The following HIVEP3 variants were observed in gnomAD, a reference collection of about 807,000 sequenced individuals.
The protein encoded by HIVEP3 is HIVEP zinc finger 3, also known as transcription factor HIVEP3.
HIVEP3 carries 49 observed loss-of-function variants against 152.8 expected under a neutral mutation model. That is an observed-to-expected ratio of 0.32 (90% confidence interval 0.26 to 0.41). The LOEUF (loss-of-function observed/expected upper bound fraction) is 0.41, where lower values mean the gene tolerates loss of function less well. Ranked by LOEUF, HIVEP3 falls within the 10% of genes least tolerant of loss-of-function variation. HIVEP3 has a pLI of 1.00. For synonymous variants in HIVEP3, 1,269 were observed against 1,289.0 expected, an observed-to-expected ratio of 0.98 and a Z score of 0.33; for missense variants, 2,790 against 3,103.3, an observed-to-expected ratio of 0.90 and a Z score of 2.40.
At chr1:41,747,471 C>T (rs1041342761) in intron 1 of HIVEP3, among the ~76,000 whole-genome samples, 2 of 152,108 alleles carry the variant, frequency 1.3e-5, no homozygotes, top group African/African-American at 2.4e-5. Context: ...TCCATTTTTT[C>T]CTGATTATAA....
intron 5 of HIVEP3, among the ~76,000 whole-genome samples, chr1:41,559,592 C>G (rs1049963650): frequency 6.6e-6 from 1 of 152,198 alleles, no homozygotes; most frequent in Non-Finnish European, 1.5e-5. Flanking sequence ...CACACCATCT[C>G]CTTGCCATCA....
intron 1 of HIVEP3, among the ~76,000 whole-genome samples, chr1:41,761,687 AAAT>A (rs1647693076): frequency 6.6e-6 from 1 of 151,754 alleles, no homozygotes; most frequent in Non-Finnish European, 1.5e-5. Flanking sequence ...GTGTATGAGT[AAAT>A]AAGTGTGTGT....
chr1:41,527,619 C>T (rs1643036309), intron 5 of HIVEP3, among the ~76,000 whole-genome samples: 1 of 144,698 alleles, frequency 6.9e-6, no homozygotes. Context: ...ACTCCCCACC[C>T]TCACACTCGC....
At chr1:41,608,341 G>A (rs1282967342) in intron 3 of HIVEP3, among the ~76,000 whole-genome samples, 1 of 152,228 alleles carries the variant, frequency 6.6e-6, no homozygotes, top group Non-Finnish European at 1.5e-5. Flanking sequence ...AGACGGAGCT[G>A]CCAATCCTTC....
At chr1:41,757,689 T>C (rs1647401660) in intron 1 of HIVEP3, among the ~76,000 whole-genome samples, 1 of 79,968 alleles carries the variant, frequency 1.3e-5, no homozygotes, top group Non-Finnish European at 3.5e-5. Context: ...TTATATTTTC[T>C]ACTTTGTATT....
chr1:41,696,197 G>T (rs61773711), intron 2 of HIVEP3, among the ~76,000 whole-genome samples: 1 of 152,222 alleles, frequency 6.6e-6, no homozygotes, highest in African/African-American at 2.4e-5. Context: ...CCCACAGCCT[G>T]CAATGTCTTG....
chr1:41,882,266 G>A (rs766775157), intron 1 of HIVEP3, among the ~76,000 whole-genome samples: 1 of 152,172 alleles, frequency 6.6e-6, no homozygotes, highest in Non-Finnish European at 1.5e-5. Context: ...AAACAGCTGC[G>A]AGCTGCACGC....
rs201377725 is a variant in HIVEP3, at chr1:41,527,243, TCACA to T, written c.5208-2337_5208-2334del. On this transcript the variant is annotated intron_variant, in intron 5 of 8. Transcript: ENST00000372583. ...ACACACTCACCCTCACACACTCACC[TCACA>T]CACACACACCCTCACATGCTCACCC... 2.4e-3 allele frequency among the ~76,000 whole-genome samples: 68 copies of T among 28,532 alleles called. 1 individual carries two copies. Among genetic ancestry groups the T allele is most frequent in the African/African-American group, 4.8e-3 (23 of 4,816 alleles). The allele number at this position is 28,532 out of a possible 152,430, so 18.7% of individuals were successfully genotyped here.
intron 2 of HIVEP3, among the ~76,000 whole-genome samples, chr1:41,633,051 G>A (rs189669471): frequency 9.1e-4 from 138 of 152,172 alleles, no homozygotes; most frequent in Non-Finnish European, 1.5e-3. Flanking sequence ...GGCTGCGGTC[G>A]TGAGGCTGGT....
chr1:41,540,553 A>T (rs1418466566), intron 5 of HIVEP3, among the ~76,000 whole-genome samples: 1 of 152,186 alleles, frequency 6.6e-6, no homozygotes, highest in Admixed American at 6.5e-5. Flanking sequence ...TAATTTCTGC[A>T]TGACAACAGG....
intron 1 of HIVEP3, among the ~76,000 whole-genome samples, chr1:41,722,714 G>C (rs572940619): frequency 6.6e-6 from 1 of 152,206 alleles, no homozygotes; most frequent in African/African-American, 2.4e-5. Context: ...ACAATTGTTG[G>C]TGAAATGCAT....
Position 41,524,805 on chromosome 1 carries a change from T to C in HIVEP3, c.5313A>G (p.Lys1771=), listed in dbSNP as rs780500021. The C allele has an allele frequency of 5.0e-6, 8 of 1,614,140 alleles. No homozygotes were observed. The highest frequency in any genetic ancestry group is 6.8e-6 in the Non-Finnish European group (8 of 1,179,996). Residue 1771 remains lysine, a synonymous_variant, in exon 6 of 9, where the codon AAA becomes AAG. Transcript: ENST00000372583. The stretch of plus-strand genomic sequence containing the variant: ...GGACGTCAGTGTGGGTGCGGATGTG[T>C]TTCTTCAGCATGCTGGGCTTCTTGC... ...IRCKKPSMLK[K]HIRTHTDVRP...
intron 1 of HIVEP3, among the ~76,000 whole-genome samples, chr1:41,834,884 A>G (rs1428913724): frequency 6.6e-6 from 1 of 152,182 alleles, no homozygotes; most frequent in Non-Finnish European, 1.5e-5. Context: ...CAGCAAGTGC[A>G]ATGGCCCTGA....
At position 41,986,597 on chromosome 1, in the gene HIVEP3, C is replaced by T. The variant is rs181851216; in HGVS notation, n.119+49210G>A. 4.7e-3 allele frequency among the ~76,000 whole-genome samples: 721 copies of T among 152,212 alleles called. 6 individuals are homozygous for T. The highest frequency in any genetic ancestry group is 0.01 in the Middle Eastern group (3 of 294). ...CTGGAAATACAGGCGCCCGCCACCA[C>T]GCCCGGCTAATTTTTTGTATTTTTA... On this transcript the variant is annotated intron_variant and non_coding_transcript_variant, in intron 1 of 3. Coordinates refer to the HIVEP3 transcript ENST00000489103.
intron 1 of HIVEP3, among the ~76,000 whole-genome samples, chr1:41,843,022 G>A (rs775209947): frequency 1.3e-5 from 2 of 152,172 alleles, no homozygotes; most frequent in Non-Finnish European, 2.9e-5. Flanking sequence ...GGAAATTGTT[G>A]CTGGGAGGAC....
rs971395963 is a variant in HIVEP3, at chr1:41,933,048, T to C, written n.120-14524A>G. Among the ~76,000 whole-genome samples, 4 of 151,998 alleles carry C rather than the reference T, an allele frequency of 2.6e-5. 1 individual carries two copies. Among genetic ancestry groups the C allele is most frequent in the African/African-American group, 9.7e-5 (4 of 41,424 alleles). ...TAGTTCATGACCATGCTTTCTATGGTTTCTAGTCTTTTAAGGTTGTTAAGT... is the reference window on the plus strand; with the variant it reads ...TAGTTCATGACCATGCTTTCTATGGCTTCTAGTCTTTTAAGGTTGTTAAGT... On this transcript the variant is annotated intron_variant and non_coding_transcript_variant, in intron 1 of 3. Coordinates refer to the HIVEP3 transcript ENST00000489103.
chr1:41,668,148 T>A (rs1645823995), intron 2 of HIVEP3, among the ~76,000 whole-genome samples: 1 of 152,166 alleles, frequency 6.6e-6, no homozygotes, highest in African/African-American at 2.4e-5. Context: ...GGCGAAGGGC[T>A]GGGTAGGGCA....
intron 1 of HIVEP3, among the ~76,000 whole-genome samples, chr1:41,905,861 C>G (rs1382051347): frequency 6.6e-6 from 1 of 152,150 alleles, no homozygotes; most frequent in Non-Finnish European, 1.5e-5. Context: ...GACAGGCTAG[C>G]AGGCACAAGG....
intron 2 of HIVEP3, among the ~76,000 whole-genome samples, chr1:41,650,255 C>T (rs1050025239): frequency 2.6e-5 from 4 of 152,114 alleles, no homozygotes; most frequent in Admixed American, 1.3e-4. Context: ...CTGGCGGCCC[C>T]ACAAGGGCAG....
Sources: gnomAD v4.1 joint callset for allele counts (sites outside exome capture counted in the v4.1 genomes callset) on GRCh38, gnomAD v4.1.1 for gene constraint, MANE v1.5 for transcripts, NCBI Gene and HGNC (gene_info 2026-07-23, HGNC 2026-07-21) for gene names.